The following FAM53B variants were observed in gnomAD, a reference collection of about 807,000 sequenced individuals.
FAM53B encodes family with sequence similarity 53 member B.
In FAM53B, 12 loss-of-function variants were observed where a neutral mutation model predicts 32.7. The ratio of observed to expected loss-of-function variants is 0.37; its 90% CI spans 0.24 to 0.59. FAM53B has a LOEUF of 0.59. Ranked by LOEUF, FAM53B falls within the 20% of genes least tolerant of loss-of-function variation. FAM53B has a pLI of 0.72. For missense variants in FAM53B, 477 were observed against 577.7 expected (o/e 0.83, Z 1.79); for synonymous variants, 234 against 228.7 (o/e 1.02, Z -0.21).
rs1554910412 is a variant in FAM53B at position 124,714,776 on chromosome 10, A to AAC, written c.-174-7890_-174-7889insGT. Among the ~76,000 whole-genome samples the AAC allele has an allele frequency of 6.1e-3, 930 of 151,514 alleles. 13 individuals carry two copies. Among genetic ancestry groups the AAC allele is most frequent in the African/African-American group, 0.021 (884 of 41,238 alleles). On this transcript the variant is annotated intron_variant, in intron 1 of 4. Coordinates refer to ENST00000337318, the MANE Select transcript of FAM53B (RefSeq NM_014661.4). The stretch of plus-strand genomic sequence containing the variant: ...TCCACCTCAAAAAAAAAAAAAAAAA[A>AAC]AAAGAAAACCTCTTTCATCAGTACT...
intron 1 of FAM53B, among the ~76,000 whole-genome samples, chr10:124,725,013 T>A (rs1950093126): frequency 1.3e-5 from 2 of 152,328 alleles, no homozygotes; most frequent in South Asian, 4.1e-4. Context: ...AAGCCATGAC[T>A]GAGTTAGTGT....
At chr10:124,628,133 T>C (rs1439768407) in intron 4 of FAM53B, among the ~76,000 whole-genome samples, 6 of 152,186 alleles carry the variant, frequency 3.9e-5, no homozygotes, top group Non-Finnish European at 8.8e-5. Context: ...AAACATCTCC[T>C]GAGCTGAACT....
In FAM53B at chr10:124,623,221, C is replaced by A. The variant is rs1297770592; in HGVS notation, c.*21G>T. 6.4e-7 allele frequency: 1 copy of A among 1,565,468 alleles called. No individual in the cohort carries two copies. ...GCTGTCGATGCCAGCACACCCCAGC[C>A]CTGCCTGGGCCCACACCCCCTCAGT... On this transcript the variant is annotated 3_prime_UTR_variant, in exon 5 of 5. Transcript: ENST00000337318.
intron 4 of FAM53B, among the ~76,000 whole-genome samples, chr10:124,652,454 G>C (rs985199574): frequency 6.6e-6 from 1 of 152,118 alleles, no homozygotes; most frequent in Non-Finnish European, 1.5e-5. Flanking sequence ...AGAAGAAGGG[G>C]CCCGGCCCAC....
chr10:124,705,964 A>G (rs933872472), intron 2 of FAM53B, among the ~76,000 whole-genome samples: 7 of 152,238 alleles, frequency 4.6e-5, no homozygotes, highest in African/African-American at 1.4e-4. Context: ...AAGACTGCTT[A>G]TGACTGAGTG....
chr10:124,741,515 C>A (rs1265289751), intron 1 of FAM53B, among the ~76,000 whole-genome samples: 1 of 152,206 alleles, frequency 6.6e-6, no homozygotes, highest in Non-Finnish European at 1.5e-5. Context: ...TCCTCTCTGG[C>A]CTCCAAAAGG....
chr10:124,680,446 T>C (rs182405024), intron 4 of FAM53B, among the ~76,000 whole-genome samples: 9 of 151,870 alleles, frequency 5.9e-5, no homozygotes, highest in Admixed American at 3.3e-4. Context: ...ATGTTGGGAG[T>C]AGGAACTAAA....
intron 4 of FAM53B, among the ~76,000 whole-genome samples, chr10:124,624,885 G>A (rs540257673): frequency 1.4e-4 from 22 of 152,294 alleles, no homozygotes; most frequent in African/African-American, 2.6e-4. Context: ...ATCCCCAACC[G>A]GACTGCAGCA....
In FAM53B at chr10:124,623,470, G is replaced by A. The variant is rs750116808; in HGVS notation, c.1041C>T (p.Gly347=). ...GGACCGGGGTCCCAGCGGGGGTCCT[G>A]CCCCCTGGGCCGGAGGCTGAGAGCA... ...TALLSASGPG[G]RTPAGTPVPE... The change falls in exon 5 of 5, where the codon GGC becomes GGT. Residue 347 remains glycine (G), a synonymous_variant. Coordinates refer to ENST00000337318, the MANE Select transcript of FAM53B (RefSeq NM_014661.4). The A allele has an allele frequency of 6.3e-7, 1 of 1,585,372 alleles. No homozygotes were observed. The highest frequency in any genetic ancestry group is 8.6e-7 in the Non-Finnish European group (1 of 1,167,050).
chr10:124,681,517 A>C, intron 4 of FAM53B, 90 bp downstream of exon 4: 1 of 1,178,716 alleles, frequency 8.5e-7, no homozygotes, highest in Admixed American at 2.9e-5. Flanking sequence ...GTATTTCTGA[A>C]ACTGGCAATC....
intron 1 of FAM53B, among the ~76,000 whole-genome samples, chr10:124,724,284 G>T (rs974421418): frequency 6.6e-6 from 1 of 152,186 alleles, no homozygotes; most frequent in African/African-American, 2.4e-5. Context: ...GCAAGCTAGG[G>T]GGACGGGGCT....
chr10:124,633,325 G>A (rs1949404316), intron 4 of FAM53B, among the ~76,000 whole-genome samples: 1 of 150,736 alleles, frequency 6.6e-6, no homozygotes, highest in South Asian at 2.1e-4. Flanking sequence ...GGGATAGGAA[G>A]ACTCAACCTC....
chr10:124,742,759 C>G (rs1218578957), intron 1 of FAM53B: 1 of 152,302 alleles, frequency 6.6e-6, no homozygotes, highest in East Asian at 1.9e-4. Context: ...TCCTGCAAGG[C>G]GAGCGCGGCG....
intron 2 of FAM53B, among the ~76,000 whole-genome samples, chr10:124,705,314 G>A (rs76088932): frequency 2.4e-5 from 3 of 124,534 alleles, no homozygotes; most frequent in Non-Finnish European, 3.6e-5. Flanking sequence ...AGGGAAGGCG[G>A]AGGCGGAGCC....
At chr10:124,677,725 C>A (rs1336053309) in intron 4 of FAM53B, among the ~76,000 whole-genome samples, 3 of 152,226 alleles carry the variant, frequency 2.0e-5, no homozygotes, top group African/African-American at 7.2e-5. Context: ...AATATCTACA[C>A]CCCACCCTGT....
At position 124,651,373 on chromosome 10, in the gene FAM53B, C is replaced by T. The variant is rs1309967308; in HGVS notation, c.907-27769G>A. Among the ~76,000 whole-genome samples, 1 of 152,230 alleles carries T rather than the reference C, an allele frequency of 6.6e-6. No individual in the cohort carries two copies. The highest frequency in any genetic ancestry group is 1.9e-4 in the East Asian group (1 of 5,200). ...CGGCTGAGCAGAGGGTGCTGCCTGGCATCCTCCTGAGCCTGCTCTGCTCTG... is the reference window on the plus strand; with the variant it reads ...CGGCTGAGCAGAGGGTGCTGCCTGGTATCCTCCTGAGCCTGCTCTGCTCTG... On this transcript the variant is annotated intron_variant, in intron 4 of 4. Coordinates refer to ENST00000337318, the MANE Select transcript of FAM53B (RefSeq NM_014661.4). This position sits in a 1 kb window ranked among gnomAD's most constrained non-coding sequence, Gnocchi z 5.2.
At chr10:124,695,835 C>T (rs1949865347) in intron 3 of FAM53B, among the ~76,000 whole-genome samples, 1 of 152,166 alleles carries the variant, frequency 6.6e-6, no homozygotes, top group Non-Finnish European at 1.5e-5. Context: ...TCAACAGTAA[C>T]TCTCCCTGGG....
At chr10:124,732,336 G>A (rs1432561253) in intron 1 of FAM53B, among the ~76,000 whole-genome samples, 14 of 152,150 alleles carry the variant, frequency 9.2e-5, no homozygotes, top group Admixed American at 2.6e-4. Context: ...CCCAGAAACC[G>A]GGCAGGATCA....
chr10:124,678,063 G>A (rs532778309), intron 4 of FAM53B, among the ~76,000 whole-genome samples: 4 of 152,326 alleles, frequency 2.6e-5, no homozygotes, highest in Non-Finnish European at 4.4e-5. Flanking sequence ...AGAAAGTGGC[G>A]TGAACAGAAA....
Sources: gnomAD v4.1 joint callset for allele counts (sites outside exome capture counted in the v4.1 genomes callset) on GRCh38, gnomAD v4.1.1 for gene constraint, Gnocchi (gnomAD v3.1) non-coding constraint, MANE v1.5 for transcripts, NCBI Gene and HGNC (gene_info 2026-07-23, HGNC 2026-07-21) for gene names.